CPT1B: variants seen among roughly 807,000 people sequenced by gnomAD.
The protein encoded by CPT1B is carnitine O-palmitoyltransferase 1, muscle isoform.
A neutral mutation model predicts 92.7 loss-of-function variants in CPT1B; 57 were observed. That is an observed-to-expected ratio of 0.62 (90% CI 0.50 to 0.77). CPT1B has a LOEUF of 0.77. Ranked by LOEUF, CPT1B falls within the 30% of genes least tolerant of loss-of-function variation. The probability of loss-of-function intolerance (pLI) is 0.00; values close to 1 mark genes in which losing one functional copy is unlikely to be tolerated. For synonymous variants in CPT1B, 398 were observed against 383.5 expected, an observed-to-expected ratio of 1.04 and a Z score of -0.44; for missense variants, 983 against 1,017.4, an observed-to-expected ratio of 0.97 and a Z score of 0.46.
intron 1 of CPT1B, 117 bp from the exon 2 acceptor site, chr22:50,578,051 C>T (rs1280613057): frequency 3.4e-6 from 2 of 595,896 alleles, no homozygotes; most frequent in Non-Finnish European, 4.5e-6. Context: ...CGACTAGCGG[C>T]TGCCCCCGGC....
chr22:50,573,929 G>C lies in CPT1B; in HGVS notation c.971-214C>G, dbSNP rs78431289. Reference sequence around the variant, plus strand: ...CACGCAACACCAACAATCCTATAAAGTATTTCACAGAAGAGGAAACGACGC... The same window carrying C: ...CACGCAACACCAACAATCCTATAAACTATTTCACAGAAGAGGAAACGACGC... On this transcript the variant is annotated intron_variant, in intron 9 of 19. Transcript: ENST00000312108. The surrounding 1 kb of genome is among the most constrained non-coding windows in gnomAD (Gnocchi z 5.0). 0.014 allele frequency: 10,229 copies of C among 711,306 alleles called. 431 individuals carry two copies. The highest frequency in any genetic ancestry group is 0.14 in the East Asian group (5,094 of 36,738). 44.1% of individuals were successfully genotyped at this position (711,306 alleles called of 1,614,324 possible).
In CPT1B at chr22:50,577,325, CCT is replaced by C. The variant is rs1273234505; in HGVS notation, c.278_279del (p.Gln93ArgfsTer47). 1.9e-6 allele frequency: 3 copies of C among 1,613,748 alleles called. No homozygotes were observed. The highest frequency in any genetic ancestry group is 1.7e-5 in the Admixed American group (1 of 60,016). On this transcript the variant is annotated frameshift_variant and splice_region_variant, in exon 3 of 20. Coordinates refer to ENST00000312108, the MANE Select transcript of CPT1B (RefSeq NM_152246.3). LOFTEE classifies it high-confidence loss of function. ...TGCCCTTCCAGTTTCACTCCTTACCCCTGAGGGAGGCATCTCTGGATGCAACT... is the reference window on the plus strand; with the variant it reads ...TGCCCTTCCAGTTTCACTCCTTACCCGAGGGAGGCATCTCTGGATGCAACT... ...LVSCIQRCLPQGCGPYQTPQT... is the reference protein window; with the variant it reads ...LVSCIQRCLPXGCGPYQTPQT...
rs2070291056 is a variant in CPT1B, at chr22:50,573,596, A to G, written c.1090T>C (p.Phe364Leu). The change falls in exon 10 of 20, where the codon TTC (phenylalanine) becomes CTC (leucine). Residue 364 changes from phenylalanine to leucine, a missense_variant. By Grantham distance (22) the Phe-to-Leu change is conservative (BLOSUM62 0). Transcript: ENST00000312108. This position sits in a 1 kb window ranked among gnomAD's most constrained non-coding sequence, Gnocchi z 5.0. Reference protein sequence around the residue: ...LLKPQDLEMQFQRILDDPSPP... With the variant: ...LLKPQDLEMQLQRILDDPSPP... ...GAGGGGTCGTCCAGGATCCTCTGGA[A>G]CTGCATCTCCAGATCCTGAGGCTTG... is the stretch of plus-strand genomic sequence containing the variant. 1 of 1,613,638 alleles carries G rather than the reference A, an allele frequency of 6.2e-7. No individual in the cohort carries two copies. Among genetic ancestry groups the G allele is most frequent in the Non-Finnish European group, 8.5e-7 (1 of 1,179,932 alleles).
rs2070149997 is a variant in CPT1B, at chr22:50,571,177, A to G, written c.1856T>C (p.Met619Thr). 4 of 1,613,998 alleles carry G rather than the reference A, an allele frequency of 2.5e-6. No individual in the cohort carries two copies. The highest frequency in any genetic ancestry group is 2.2e-5 in the East Asian group (1 of 44,884). The change falls in exon 15 of 20, where the codon ATG (methionine) becomes ACG (threonine). Residue 619 changes from methionine (M) to threonine (T), a missense_variant. Coordinates refer to ENST00000312108, the MANE Select transcript of CPT1B (RefSeq NM_152246.3). ...TSESTAFVQA[M>T]MEGSHTKADL... Reference sequence around the variant, plus strand: ...ACTTACTGTGTGGGACCCCTCCATCATGGCCTGCACAAAGGCTGTGGACTC... The same window carrying G: ...ACTTACTGTGTGGGACCCCTCCATCGTGGCCTGCACAAAGGCTGTGGACTC...
In CPT1B at chr22:50,577,924, T is replaced by C. The variant is rs779022199; in HGVS notation, c.-9A>G. On this transcript the variant is annotated 5_prime_UTR_variant, in exon 2 of 20. Coordinates refer to ENST00000312108, the MANE Select transcript of CPT1B (RefSeq NM_152246.3). ...TGGTGAGCTTCCGCCATCCTGGGGG[T>C]TGGTCGGCACCTAGGACGGGGGCAG... 4 of 1,605,774 alleles carry C rather than the reference T, an allele frequency of 2.5e-6. No individual in the cohort carries two copies. The highest frequency in any genetic ancestry group is 3.4e-6 in the Non-Finnish European group (4 of 1,174,610).
intron 17 of CPT1B, 101 bp from the exon 18 acceptor site, chr22:50,569,769 C>A: frequency 9.6e-7 from 1 of 1,037,638 alleles, no homozygotes; most frequent in South Asian, 1.3e-5. Context: ...GTTGCAGGAA[C>A]GGGCCCCAGC....
chr22:50,573,659 A>C lies in CPT1B; in HGVS notation c.1027T>G (p.Phe343Val). Residue 343 changes from phenylalanine (F) to valine (V), a missense_variant, in exon 10 of 20, where the codon TTC becomes GTC. Coordinates refer to ENST00000312108, the MANE Select transcript of CPT1B (RefSeq NM_152246.3). This position sits in a 1 kb window ranked among gnomAD's most constrained non-coding sequence, Gnocchi z 5.0. ...CCCTCATAGAGCCACAGCTTGAAGA[A>C]GCGTCCCTTGTGGTAGACAGCCACG... Reference protein sequence around the residue: ...RHVAVYHKGRFFKLWLYEGAR... With the variant: ...RHVAVYHKGRVFKLWLYEGAR... The C allele has an allele frequency of 6.2e-7, 1 of 1,613,330 alleles. No homozygotes were observed. Among genetic ancestry groups the C allele is most frequent in the Non-Finnish European group, 8.5e-7 (1 of 1,179,960 alleles).
At position 50,573,817 on chromosome 22, in the gene CPT1B, C is replaced by T; in HGVS notation, c.971-102G>A. On this transcript the variant is annotated intron_variant, in intron 9 of 19. Coordinates refer to ENST00000312108, the MANE Select transcript of CPT1B (RefSeq NM_152246.3). This position sits in a 1 kb window ranked among gnomAD's most constrained non-coding sequence, Gnocchi z 5.0. ...GGTGACCCCTGCAGACCCTGTTTTG[C>T]TCGGCCTCTGCCTGGGCCTTCCTGC... is the stretch of plus-strand genomic sequence containing the variant. The T allele has an allele frequency of 9.1e-7, 1 of 1,100,730 alleles. No individual in the cohort carries two copies. Among genetic ancestry groups the T allele is most frequent in the Non-Finnish European group, 1.4e-6 (1 of 736,092 alleles). 68.2% of individuals were successfully genotyped at this position (1,100,730 alleles called of 1,614,324 possible).
intron 7 of CPT1B, 74 bp downstream of exon 7, chr22:50,575,961 G>A: frequency 7.0e-7 from 1 of 1,427,168 alleles, no homozygotes; most frequent in Non-Finnish European, 9.9e-7. Context: ...GCTCTGGGCT[G>A]TCCTCCAGAT....
chr22:50,577,303 C>A (rs777185767), intron 3 of CPT1B, 21 bp downstream of exon 3: 1 of 1,613,002 alleles, frequency 6.2e-7, no homozygotes, highest in Non-Finnish European at 8.5e-7. Context: ...GCACCTGTGC[C>A]CTTCCAGTTT....
chr22:50,570,084 G>A (rs1482764512), intron 17 of CPT1B, among the ~76,000 whole-genome samples: 1 of 152,220 alleles, frequency 6.6e-6, no homozygotes, highest in East Asian at 1.9e-4. Context: ...CCACGGTCAT[G>A]CTTCAGCAGG....
In CPT1B at chr22:50,573,485, C is replaced by T. The variant is rs1490168687; in HGVS notation, c.1166+35G>A. 17 of 1,551,444 alleles carry T rather than the reference C, an allele frequency of 1.1e-5. No individual in the cohort carries two copies. The highest frequency in any genetic ancestry group is 1.4e-5 in the Non-Finnish European group (16 of 1,144,252). Reference sequence around the variant, plus strand: ...TCCTCTCCTCACGGAGCCCTGAACTCAGGGTGGGGACAGTCCCTTCCTAGA... The same window carrying T: ...TCCTCTCCTCACGGAGCCCTGAACTTAGGGTGGGGACAGTCCCTTCCTAGA... On this transcript the variant is annotated intron_variant, in intron 10 of 19. Transcript: ENST00000312108. The surrounding 1 kb of genome is among the most constrained non-coding windows in gnomAD (Gnocchi z 5.0).
intron 7 of CPT1B, among the ~76,000 whole-genome samples, chr22:50,575,530 A>C (rs1295113402): frequency 6.6e-6 from 1 of 152,226 alleles, no homozygotes; most frequent in Non-Finnish European, 1.5e-5. Flanking sequence ...CATACAGCCC[A>C]GGTGGCTGGG....
chr22:50,573,508 A>G lies in CPT1B; in HGVS notation c.1166+12T>C, dbSNP rs117323981. 98,032 of 1,593,746 alleles carry G rather than the reference A, an allele frequency of 0.062. 4,714 individuals are homozygous for G. The highest frequency in any genetic ancestry group is 0.24 in the East Asian group (10,689 of 44,472). ...CTCAGGGTGGGGACAGTCCCTTCCT[A>G]GAGGCCAATACCTTCCTCCTGCAGT... On this transcript the variant is annotated intron_variant, in intron 10 of 19. Transcript: ENST00000312108. This position sits in a 1 kb window ranked among gnomAD's most constrained non-coding sequence, Gnocchi z 5.0.
At position 50,576,971 on chromosome 22, in the gene CPT1B, G is replaced by A. The variant is rs754023433; in HGVS notation, c.345C>T (p.Gly115=). ...ALLSMAIFST[G]VWVTGIFFFR... is the part of the protein sequence containing the mutation. ...AGAAGAAGATGCCCGTCACCCAGAC[G>A]CCCGTGGAGAAGATGGCCATGCTGA... is the stretch of plus-strand genomic sequence containing the variant. Residue 115 remains glycine (G), a synonymous_variant, in exon 4 of 20, where the codon GGC becomes GGT. Transcript: ENST00000312108. The A allele has an allele frequency of 6.2e-7, 1 of 1,614,088 alleles. No homozygotes were observed. The highest frequency in any genetic ancestry group is 8.5e-7 in the Non-Finnish European group (1 of 1,180,028).
chr22:50,569,259 C>T, intron 19 of CPT1B, 77 bp downstream of exon 19: 2 of 1,444,686 alleles, frequency 1.4e-6, no homozygotes, highest in South Asian at 1.2e-5. Context: ...TGCACGGCCA[C>T]CCCTCATGCC....
chr22:50,571,603 C>A, intron 13 of CPT1B, 64 bp from the exon 14 acceptor site: 3 of 1,555,194 alleles, frequency 1.9e-6, no homozygotes, highest in African/African-American at 2.7e-5. Context: ...TGGGTCATGT[C>A]TAGGAGGCAT....
intron 11 of CPT1B, among the ~76,000 whole-genome samples, chr22:50,572,542 G>A (rs1172833648): frequency 6.6e-6 from 1 of 151,814 alleles, no homozygotes; most frequent in Non-Finnish European, 1.5e-5. Context: ...TCAGCCTTCC[G>A]ACTAGCTGGG....
In CPT1B at chr22:50,574,076, T is replaced by C. The variant is rs867870188; in HGVS notation, c.970+259A>G. Among the ~76,000 whole-genome samples, 4 of 152,348 alleles carry C rather than the reference T, an allele frequency of 2.6e-5. No homozygotes were observed. The Middle Eastern group carries it at 0.01, about 389-fold the overall frequency. Reference sequence around the variant, plus strand: ...GCCGGCTCCATGGCAGCGCCGGGTCTGTCCTAAGCTTTGGGCTGCAGCAGG... The same window carrying C: ...GCCGGCTCCATGGCAGCGCCGGGTCCGTCCTAAGCTTTGGGCTGCAGCAGG... On this transcript the variant is annotated intron_variant, in intron 9 of 19. Coordinates refer to ENST00000312108, the MANE Select transcript of CPT1B (RefSeq NM_152246.3).
Sources: gnomAD v4.1 joint callset for allele counts (sites outside exome capture counted in the v4.1 genomes callset) on GRCh38, gnomAD v4.1.1 for gene constraint, Gnocchi (gnomAD v3.1) non-coding constraint, MANE v1.5 for transcripts, NCBI Gene and HGNC (gene_info 2026-07-23, HGNC 2026-07-21) for gene names.